The following MAP3K15 variants were observed in gnomAD, a reference collection of about 807,000 sequenced individuals.
MAP3K15 encodes MAPK/ERK kinase kinase 15.
In MAP3K15, 124 loss-of-function variants were observed where a neutral mutation model predicts 99.5. That is an observed-to-expected ratio of 1.25 (90% CI 1.08 to 1.45). The LOEUF is 1.45. Among genes scored for constraint, MAP3K15 ranks in the 40% most tolerant of loss-of-function variants. The pLI is 0.00. For synonymous variants in MAP3K15, 494 were observed against 439.6 expected (o/e 1.12, Z -1.55); for missense variants, 1,242 against 1,079.7 (o/e 1.15, Z -2.11).
chrX:19,442,802 A>T (rs1446161509), intron 6 of MAP3K15, among the ~76,000 whole-genome samples: 1 of 105,559 alleles, frequency 9.5e-6, no homozygotes, highest in East Asian at 2.9e-4. Flanking sequence ...GGCTCACTGC[A>T]ATCTCCACTT....
chrX:19,370,371 C>G (rs2063365817), intron 24 of MAP3K15, among the ~76,000 whole-genome samples: 1 of 110,786 alleles, frequency 9.0e-6, no homozygotes, highest in African/African-American at 3.3e-5. Context: ...GCCCCATGCT[C>G]CCTTTTAATT....
At chrX:19,378,064 C>G (rs2063432859) in intron 19 of MAP3K15, among the ~76,000 whole-genome samples, 1 of 112,472 alleles carries the variant, frequency 8.9e-6, no homozygotes, top group Non-Finnish European at 1.9e-5. Context: ...CCTCAACCGG[C>G]AGAAACCTGC....
intron 6 of MAP3K15, among the ~76,000 whole-genome samples, chrX:19,441,133 G>A (rs1386371762): frequency 8.9e-6 from 1 of 112,236 alleles, no homozygotes; most frequent in Non-Finnish European, 1.9e-5. Flanking sequence ...TGCTAAGGAA[G>A]CCAGACACAC....
intron 1 of MAP3K15, among the ~76,000 whole-genome samples, chrX:19,503,191 G>A (rs1295325017): frequency 5.4e-5 from 6 of 111,957 alleles, no homozygotes; most frequent in African/African-American, 1.9e-4. Flanking sequence ...ACTCATCCAT[G>A]TTTACTTACC....
In MAP3K15 at chrX:19,488,717, A is replaced by G. The variant is rs777909175; in HGVS notation, c.501+111T>C. 5 of 760,245 alleles carry G rather than the reference A, an allele frequency of 6.6e-6. No individual in the cohort carries two copies. In the African/African-American group the frequency reaches 1.0e-4, roughly 16 times the overall value. 62.7% of individuals were successfully genotyped at this position (760,245 alleles called of 1,213,427 possible). On this transcript the variant is annotated intron_variant, in intron 2 of 28. Coordinates refer to ENST00000338883, the MANE Select transcript of MAP3K15 (RefSeq NM_001001671.4). The stretch of plus-strand genomic sequence containing the variant: ...TGTGGTGGGAAGGAAAGAATTGCAC[A>G]AGCAAGTCTTTGTTTTTCTCCAACT...
chrX:19,380,096 C>T, intron 19 of MAP3K15, 24 bp downstream of exon 19: 2 of 1,162,290 alleles, frequency 1.7e-6, no homozygotes, highest in South Asian at 2.0e-5. Flanking sequence ...CCACGCCCAA[C>T]CTCAATCACG....
chrX:19,432,098 G>A (rs1229719210), intron 6 of MAP3K15, among the ~76,000 whole-genome samples: 1 of 110,487 alleles, frequency 9.1e-6, no homozygotes, highest in Non-Finnish European at 1.9e-5. Flanking sequence ...ATCCACACCA[G>A]TAAACCTTAT....
Position 19,515,227 on chromosome X carries a change from G to T in MAP3K15, c.35C>A (p.Ala12Asp), listed in dbSNP as rs2147448498. The T allele has an allele frequency of 1.2e-5, 11 of 889,170 alleles. 1 individual carries two copies. In the South Asian group the frequency reaches 6.6e-4, roughly 53 times the overall value. The allele number at this position is 889,170 out of a possible 1,213,427, so 73.3% of individuals were successfully genotyped here. A position where few individuals can be genotyped will look rare whatever the true frequency, so the allele number is the denominator to read the frequency against. ...ESGGGNAPAG[A>D]LGAASESPQC... ...AGGGGACTCGCTCGCCGCCCCGAGGGCCCCGGCCGGAGCATTCCCACCGCC... is the reference window on the plus strand; with the variant it reads ...AGGGGACTCGCTCGCCGCCCCGAGGTCCCCGGCCGGAGCATTCCCACCGCC... The change falls in exon 1 of 29, where the codon GCC (alanine) becomes GAC (aspartate). Residue 12 changes from alanine (A) to aspartate (D), a missense_variant. By Grantham distance (126) the Ala-to-Asp change is moderately radical. Transcript: ENST00000338883.
intron 6 of MAP3K15, among the ~76,000 whole-genome samples, chrX:19,443,435 C>A (rs183118019): frequency 7.2e-4 from 81 of 111,959 alleles, no homozygotes; most frequent in African/African-American, 2.5e-3. Flanking sequence ...CCTGCCCCCT[C>A]AGGCTTATAG....
intron 19 of MAP3K15, among the ~76,000 whole-genome samples, chrX:19,376,190 G>A (rs762753060): frequency 1.2e-4 from 13 of 111,491 alleles, no homozygotes; most frequent in African/African-American, 4.2e-4. Flanking sequence ...CACAAACTGG[G>A]TGGCTGAAAC....
At chrX:19,379,075 G>C (rs907619854) in intron 19 of MAP3K15, among the ~76,000 whole-genome samples, 2 of 110,859 alleles carry the variant, frequency 1.8e-5, no homozygotes, top group Non-Finnish European at 3.8e-5. Context: ...GAAAATAAAG[G>C]GAAAGGACCC....
At chrX:19,474,180 C>T (rs2064225156) in intron 3 of MAP3K15, among the ~76,000 whole-genome samples, 1 of 112,022 alleles carries the variant, frequency 8.9e-6, no homozygotes, top group Non-Finnish European at 1.9e-5. Context: ...TTTATTCGTC[C>T]TCTCAGCTGA....
chrX:19,453,223 G>A (rs1211941756), intron 6 of MAP3K15, among the ~76,000 whole-genome samples: 2 of 111,104 alleles, frequency 1.8e-5, no homozygotes, highest in Non-Finnish European at 1.9e-5. Context: ...AACCAAGGCC[G>A]GGCACAGTGG....
intron 18 of MAP3K15, among the ~76,000 whole-genome samples, chrX:19,381,928 G>A (rs1332135057): frequency 9.0e-6 from 1 of 111,639 alleles, no homozygotes; most frequent in Non-Finnish European, 1.9e-5. Flanking sequence ...CCTATCTGAG[G>A]ATTACACAAC....
rs373475912 is a variant in MAP3K15 at position 19,374,606 on chromosome X, G to A, written c.2644C>T (p.Arg882Ter). The change falls in exon 20 of 29, where the codon CGA becomes TGA. Residue 882 changes from arginine (R) to a stop codon, truncating the protein, a stop_gained. Coordinates refer to ENST00000338883, the MANE Select transcript of MAP3K15 (RefSeq NM_001001671.4). LOFTEE classifies it high-confidence loss of function. Reference protein sequence around the residue: ...EIPEALSAEARAFILSCFEPD... With the variant: ...EIPEALSAEA ...TCGAAACAGGATAAAATGAAGGCTC[G>A]GGCTTCAGCTGAAAGGGCTTCTGGA... The A allele has an allele frequency of 2.3e-5, 28 of 1,209,319 alleles. No homozygotes were observed. The highest frequency in any genetic ancestry group is 3.5e-5 in the African/African-American group (2 of 57,038).
At chrX:19,429,508 A>C (rs1429944073) in intron 7 of MAP3K15, among the ~76,000 whole-genome samples, 1 of 110,204 alleles carries the variant, frequency 9.1e-6, no homozygotes, top group Non-Finnish European at 1.9e-5. Context: ...AGAAAGTAAG[A>C]CATTGGAAGC....
At chrX:19,512,346 G>C (rs952229422) in intron 1 of MAP3K15, among the ~76,000 whole-genome samples, 1 of 111,797 alleles carries the variant, frequency 8.9e-6, no homozygotes, top group Non-Finnish European at 1.9e-5. Flanking sequence ...TACTTGGGCC[G>C]TTCAACAGTT....
At chrX:19,509,177 A>G (rs1290767362) in intron 1 of MAP3K15, among the ~76,000 whole-genome samples, 1 of 111,485 alleles carries the variant, frequency 9.0e-6, no homozygotes, top group East Asian at 2.8e-4. Flanking sequence ...TGCTGTGAGA[A>G]CAGGACACAG....
At position 19,435,527 on chromosome X, in the gene MAP3K15, T is replaced by A. The variant is rs954432753; in HGVS notation, c.996-3919A>T. Among the ~76,000 whole-genome samples, 4 of 112,410 alleles carry A rather than the reference T, an allele frequency of 3.6e-5. No individual in the cohort carries two copies. In the East Asian group the frequency reaches 1.1e-3, roughly 31 times the overall value. ...TCAAGATTTCCCTTGAATTTTCTCA[T>A]TAACTTGAAATTTACCCTTGTTACT... On this transcript the variant is annotated intron_variant, in intron 6 of 28. Coordinates refer to ENST00000338883, the MANE Select transcript of MAP3K15 (RefSeq NM_001001671.4).
Sources: allele counts gnomAD v4.1 joint callset (sites outside exome capture counted in the v4.1 genomes callset), GRCh38; gene constraint gnomAD v4.1.1; transcripts MANE v1.5; gene names NCBI Gene and HGNC (gene_info 2026-07-23, HGNC 2026-07-21).